Variants in MARCHF1 observed in about 807,000 individuals in gnomAD.
The protein encoded by MARCHF1 is membrane associated ring-CH-type finger 1.
MARCHF1 carries 40 observed loss-of-function variants against 54.2 expected under a neutral mutation model. The observed-to-expected ratio is 0.74, with a 90% confidence interval of 0.57 to 0.96. MARCHF1 has a LOEUF of 0.96. MARCHF1 is among the 40% of genes least tolerant of loss of function. The pLI is 0.00. For synonymous variants in MARCHF1, 236 were observed against 236.3 expected (o/e 1.00, Z 0.01); for missense variants, 586 against 656.5 (o/e 0.89, Z 1.17).
intron 3 of MARCHF1, among the ~76,000 whole-genome samples, chr4:163,971,387 C>A (rs1354635384): frequency 1.3e-5 from 2 of 152,174 alleles, no homozygotes; most frequent in Non-Finnish European, 2.9e-5. Context: ...AACTGAAGAA[C>A]AGTCCATGGT....
At chr4:163,551,582 C>T (rs1029151253) in intron 8 of MARCHF1, among the ~76,000 whole-genome samples, 6 of 152,186 alleles carry the variant, frequency 3.9e-5, no homozygotes, top group Non-Finnish European at 8.8e-5. Context: ...GGACACAAAT[C>T]AGGAAGTGTA....
intron 3 of MARCHF1, among the ~76,000 whole-genome samples, chr4:163,933,986 C>T (rs2111405523): frequency 6.6e-6 from 1 of 152,310 alleles, no homozygotes; most frequent in African/African-American, 2.4e-5. Context: ...TGCCAGAATA[C>T]AAGCATTGCT....
intron 8 of MARCHF1, among the ~76,000 whole-genome samples, chr4:163,561,835 T>C (rs1739477672): frequency 6.6e-6 from 1 of 152,222 alleles, no homozygotes; most frequent in Non-Finnish European, 1.5e-5. Flanking sequence ...TTTATGTTTA[T>C]CTTCCAGTAA....
chr4:164,036,841 A>T (rs145417503), intron 2 of MARCHF1, among the ~76,000 whole-genome samples: 1,540 of 152,260 alleles, frequency 0.01, 12 homozygotes, highest in Non-Finnish European at 0.017. Context: ...GGTGGGGGGC[A>T]ATGTAATTTT....
In MARCHF1 at chr4:164,009,233, C is replaced by T. The variant is rs111365657; in HGVS notation, c.-247-20524G>A. ...ATAAATTCCTGTACACATACAACTACGAAGATTGAACCCTGAAAAAAGAGA... is the reference window on the plus strand; with the variant it reads ...ATAAATTCCTGTACACATACAACTATGAAGATTGAACCCTGAAAAAAGAGA... On this transcript the variant is annotated intron_variant, in intron 2 of 9. Transcript: ENST00000514618. 7.3e-3 allele frequency among the ~76,000 whole-genome samples: 1,104 copies of T among 151,972 alleles called. 13 individuals carry two copies. The highest frequency in any genetic ancestry group is 0.021 in the African/African-American group (865 of 41,508).
chr4:164,317,323 G>T (rs777761012), intron 1 of MARCHF1, among the ~76,000 whole-genome samples: 3 of 152,138 alleles, frequency 2.0e-5, no homozygotes, highest in Non-Finnish European at 4.4e-5. Flanking sequence ...CAAGACAGAA[G>T]TTTAATTCTC....
intron 4 of MARCHF1, among the ~76,000 whole-genome samples, chr4:163,763,661 G>T (rs965709281): frequency 6.6e-6 from 1 of 151,950 alleles, no homozygotes; most frequent in Admixed American, 6.6e-5. Context: ...TTCAGCACAC[G>T]CTGCATATCA....
At chr4:164,187,646 AT>A (rs1447854013) in intron 1 of MARCHF1, among the ~76,000 whole-genome samples, 2 of 152,126 alleles carry the variant, frequency 1.3e-5, no homozygotes, top group African/African-American at 4.8e-5. Context: ...CAGCTGCAAT[AT>A]TTGCTGCTGC....
At chr4:164,088,141 A>G (rs941532176) in intron 2 of MARCHF1, among the ~76,000 whole-genome samples, 1 of 152,176 alleles carries the variant, frequency 6.6e-6, no homozygotes, top group Admixed American at 6.5e-5. Context: ...TAACGTTAAA[A>G]ATGTGTTTGT....
At chr4:164,247,483 G>C (rs1253380029) in intron 1 of MARCHF1, among the ~76,000 whole-genome samples, 6 of 151,636 alleles carry the variant, frequency 4.0e-5, no homozygotes, top group African/African-American at 1.5e-4. Flanking sequence ...GGGAGGGATA[G>C]CATTGGGAGA....
chr4:163,902,769 C>T (rs760716713), intron 3 of MARCHF1, among the ~76,000 whole-genome samples: 10 of 152,176 alleles, frequency 6.6e-5, no homozygotes, highest in Non-Finnish European at 1.2e-4. Flanking sequence ...AAATACATAT[C>T]ATTATTACTG....
intron 1 of MARCHF1, among the ~76,000 whole-genome samples, chr4:164,367,964 G>A (rs1730923970): frequency 6.6e-6 from 1 of 151,288 alleles, no homozygotes; most frequent in South Asian, 2.1e-4. Flanking sequence ...GTAGTATATA[G>A]TGTGAAAATA....
intron 4 of MARCHF1, among the ~76,000 whole-genome samples, chr4:163,743,728 G>A (rs542632433): frequency 6.6e-5 from 10 of 152,016 alleles, no homozygotes; most frequent in Non-Finnish European, 1.5e-4. Flanking sequence ...ACAGGCGCCC[G>A]CCACCATGCC....
chr4:164,285,300 C>G (rs1026871853), intron 1 of MARCHF1, among the ~76,000 whole-genome samples: 8 of 151,998 alleles, frequency 5.3e-5, no homozygotes, highest in African/African-American at 1.9e-4. Flanking sequence ...AAGGCTGAGG[C>G]AAGATGATTG....
Position 164,110,876 on chromosome 4 carries a change from C to T in MARCHF1, c.-248+712G>A, listed in dbSNP as rs576933637. Among the ~76,000 whole-genome samples, 15 of 151,746 alleles carry T rather than the reference C, an allele frequency of 9.9e-5. No homozygotes were observed. The East Asian group carries it at 2.1e-3, about 22-fold the overall frequency. On this transcript the variant is annotated intron_variant, in intron 2 of 9. Coordinates refer to ENST00000514618, the MANE Select transcript of MARCHF1 (RefSeq NM_001394959.1). ...GGGAAAATCCATTTGCTTTATATTGCGTTTCAGAAACTGACATAGCAAAAT... is the reference window on the plus strand; with the variant it reads ...GGGAAAATCCATTTGCTTTATATTGTGTTTCAGAAACTGACATAGCAAAAT...
intron 4 of MARCHF1, among the ~76,000 whole-genome samples, chr4:163,729,692 T>G (rs1030193570): frequency 3.3e-5 from 5 of 152,158 alleles, no homozygotes; most frequent in Admixed American, 1.3e-4. Context: ...CTATAAGATA[T>G]GCACTGATGT....
intron 5 of MARCHF1, among the ~76,000 whole-genome samples, chr4:163,691,333 T>C (rs1043237498): frequency 3.9e-5 from 6 of 152,192 alleles, no homozygotes; most frequent in African/African-American, 1.4e-4. Flanking sequence ...GGTCAGATAC[T>C]GAGACTTCAG....
At chr4:163,835,171 C>T (rs1026802758) in intron 4 of MARCHF1, among the ~76,000 whole-genome samples, 3 of 152,140 alleles carry the variant, frequency 2.0e-5, no homozygotes, top group African/African-American at 7.2e-5. Flanking sequence ...TATAAACCAC[C>T]ATGTCCGGGC....
chr4:163,546,270 G>A (rs908547439), intron 8 of MARCHF1, among the ~76,000 whole-genome samples: 3 of 152,104 alleles, frequency 2.0e-5, no homozygotes, highest in Non-Finnish European at 4.4e-5. Flanking sequence ...GAGCCCCTGT[G>A]CCCGGCCTAA....
Sources: allele counts gnomAD v4.1 joint callset (sites outside exome capture counted in the v4.1 genomes callset), GRCh38; gene constraint gnomAD v4.1.1; transcripts MANE v1.5; gene names NCBI Gene and HGNC (gene_info 2026-07-23, HGNC 2026-07-21).